The following TSC22D2 variants were observed in gnomAD, a reference collection of about 807,000 sequenced individuals.
TSC22D2 encodes TSC22 domain family protein 2.
In TSC22D2, 5 loss-of-function variants were observed where a neutral mutation model predicts 50.1. The ratio of observed to expected loss-of-function variants is 0.10; its 90% confidence interval spans 0.05 to 0.21. The LOEUF (loss-of-function observed/expected upper bound fraction) is 0.21, where lower values mean the gene tolerates loss of function less well. Among genes scored for constraint, TSC22D2 ranks in the 10% least tolerant of loss-of-function variants. The probability of loss-of-function intolerance (pLI) is 1.00; values close to 1 mark genes in which losing one functional copy is unlikely to be tolerated. For synonymous variants in TSC22D2, 501 were observed against 450.1 expected (o/e 1.11, Z -1.43); for missense variants, 1,003 against 1,015.5 (o/e 0.99, Z 0.17).
Position 150,408,752 on chromosome 3 carries a change from C to G in TSC22D2, c.-599C>G, listed in dbSNP as rs1287827008. The G allele has an allele frequency of 6.5e-6, 1 of 153,618 alleles. No individual in the cohort carries two copies. Among genetic ancestry groups the G allele is most frequent in the African/African-American group, 2.4e-5 (1 of 41,488 alleles). 9.5% of individuals were successfully genotyped at this position (153,618 alleles called of 1,614,324 possible). ...CACAGCCCCACCGCCCGCCCGCGGA[C>G]CTTCAGCCAGCTCCGGCCCGCGGCT... is the stretch of plus-strand genomic sequence containing the variant. On this transcript the variant is annotated 5_prime_UTR_variant, in exon 1 of 3. Coordinates refer to ENST00000688009, the MANE Select transcript of TSC22D2 (RefSeq NM_001303264.2).
At chr3:150,421,951 A>G (rs558014938) in intron 1 of TSC22D2, among the ~76,000 whole-genome samples, 3 of 152,332 alleles carry the variant, frequency 2.0e-5, no homozygotes, top group East Asian at 1.9e-4. Context: ...TTAAGAGCAT[A>G]AACTCTGGAA....
rs1217960409 is a variant in TSC22D2, at chr3:150,408,616, G to A, written c.-735G>A. 3 of 152,438 alleles carry A rather than the reference G, an allele frequency of 2.0e-5. No homozygotes were observed. The highest frequency in any genetic ancestry group is 4.4e-5 in the Non-Finnish European group (3 of 68,276). 9.4% of individuals were successfully genotyped at this position (152,438 alleles called of 1,614,324 possible). On this transcript the variant is annotated 5_prime_UTR_variant, in exon 1 of 3. Coordinates refer to ENST00000688009, the MANE Select transcript of TSC22D2 (RefSeq NM_001303264.2). ...GGGGTGGTTCCCCCTGTAAGGGGAG[G>A]ACCGAGCCGGCTTTCCCCTCCCCCA...
chr3:150,453,466 TCCA>T (rs1256037568), intron 1 of TSC22D2, among the ~76,000 whole-genome samples: 4 of 152,250 alleles, frequency 2.6e-5, no homozygotes, highest in Admixed American at 2.0e-4. Flanking sequence ...TATTGGTATC[TCCA>T]TCGTAAATAT....
intron 1 of TSC22D2, among the ~76,000 whole-genome samples, chr3:150,455,354 G>A (rs1333717576): frequency 6.6e-6 from 1 of 152,144 alleles, no homozygotes; most frequent in East Asian, 1.9e-4. Context: ...AGCATTTAAA[G>A]CCCAGCACAT....
intron 1 of TSC22D2, among the ~76,000 whole-genome samples, chr3:150,429,597 A>G (rs374240804): frequency 6.6e-6 from 1 of 152,176 alleles, no homozygotes; most frequent in East Asian, 1.9e-4. Flanking sequence ...GGAAATAAGA[A>G]TAGTGTGTGG....
In TSC22D2 at chr3:150,410,325, G is replaced by T. The variant is rs1314640722; in HGVS notation, c.975G>T (p.Pro325=). The T allele has an allele frequency of 1.3e-6, 2 of 1,578,786 alleles. No homozygotes were observed. Among genetic ancestry groups the T allele is most frequent in the African/African-American group, 1.3e-5 (1 of 74,076 alleles). ...QGAGPGGQTL[P]PTNVTLAQPA... ...CGGGGCCCGGGGGACAGACTCTGCC[G>T]CCGACGAATGTAACCCTGGCGCAGC... The change falls in exon 1 of 3, where the codon CCG becomes CCT. Residue 325 remains proline (P), a synonymous_variant. Coordinates refer to ENST00000688009, the MANE Select transcript of TSC22D2 (RefSeq NM_001303264.2).
At position 150,409,922 on chromosome 3, in the gene TSC22D2, A is replaced by C; in HGVS notation, c.572A>C (p.Asp191Ala). 1 of 1,613,954 alleles carries C rather than the reference A, an allele frequency of 6.2e-7. No individual in the cohort carries two copies. Among genetic ancestry groups the C allele is most frequent in the Middle Eastern group, 1.6e-4 (1 of 6,062 alleles). Residue 191 changes from aspartate (D) to alanine (A), a missense_variant, in exon 1 of 3, where the codon GAC becomes GCC. By Grantham distance (126) the Asp-to-Ala change is moderately radical (BLOSUM62 -2). Transcript: ENST00000688009. The surrounding 1 kb of genome is among the most constrained non-coding windows in gnomAD (Gnocchi z 7.4). ...TCMEYYERDSDSSVLTRSGDC... is the reference protein window; with the variant it reads ...TCMEYYERDSASSVLTRSGDC... ...ATGGAATACTATGAGAGGGATTCAG[A>C]CAGCAGCGTCCTGACTAGATCCGGG...
intron 1 of TSC22D2, among the ~76,000 whole-genome samples, chr3:150,446,237 A>T (rs1720883276): frequency 1.3e-5 from 2 of 152,222 alleles, no homozygotes; most frequent in South Asian, 4.1e-4. Flanking sequence ...GTCTGACCCC[A>T]GAATGAAGTG....
At chr3:150,432,976 G>T (rs567813034) in intron 1 of TSC22D2, among the ~76,000 whole-genome samples, 1 of 152,216 alleles carries the variant, frequency 6.6e-6, no homozygotes, top group East Asian at 1.9e-4. Flanking sequence ...TTAAATTTTT[G>T]TGATTGATAC....
chr3:150,458,760 T>A lies in TSC22D2; in HGVS notation c.*124T>A. 1 of 1,232,480 alleles carries A rather than the reference T, an allele frequency of 8.1e-7. No individual in the cohort carries two copies. The highest frequency in any genetic ancestry group is 1.1e-6 in the Non-Finnish European group (1 of 887,168). 76.3% of individuals were successfully genotyped at this position (1,232,480 alleles called of 1,614,324 possible). On this transcript the variant is annotated 3_prime_UTR_variant, in exon 3 of 3. Transcript: ENST00000688009. ...TTGGTTGTGTGTTTGGCCTTTTCAG[T>A]ATTAGACAATCATTCTACAAGAGCT...
rs1260612369 is a variant in TSC22D2 at position 150,461,587 on chromosome 3, C to G, written c.*2951C>G. 1 of 152,174 alleles carries G rather than the reference C, an allele frequency of 6.6e-6. No homozygotes were observed. Among genetic ancestry groups the G allele is most frequent in the African/African-American group, 2.4e-5 (1 of 41,438 alleles). 9.4% of individuals were successfully genotyped at this position (152,174 alleles called of 1,614,324 possible). A position where few individuals can be genotyped will look rare whatever the true frequency, so the allele number is the denominator to read the frequency against. On this transcript the variant is annotated 3_prime_UTR_variant, in exon 3 of 3. Transcript: ENST00000688009. ...AAAATTTAGTTTGTTCCGATGTGATCTCACAGCTTGCCACACCAAAAACAA... is the reference window on the plus strand; with the variant it reads ...AAAATTTAGTTTGTTCCGATGTGATGTCACAGCTTGCCACACCAAAAACAA...
intron 1 of TSC22D2, among the ~76,000 whole-genome samples, chr3:150,435,071 G>A (rs1265477192): frequency 4.6e-5 from 7 of 152,004 alleles, no homozygotes; most frequent in African/African-American, 9.7e-5. Context: ...TCTGCCTCCC[G>A]GGTTCAAGCA....
intron 1 of TSC22D2, among the ~76,000 whole-genome samples, chr3:150,448,381 G>A (rs1011449624): frequency 2.0e-5 from 3 of 152,026 alleles, no homozygotes; most frequent in South Asian, 4.1e-4. Flanking sequence ...GGGTGACTGC[G>A]ACTGAAGCAG....
At chr3:150,445,080 G>A (rs1231658913) in intron 1 of TSC22D2, among the ~76,000 whole-genome samples, 2 of 151,836 alleles carry the variant, frequency 1.3e-5, no homozygotes, top group Non-Finnish European at 2.9e-5. Flanking sequence ...TTATATTTCA[G>A]TGGGCTTTGG....
chr3:150,455,977 A>G (rs1236240828), intron 1 of TSC22D2, among the ~76,000 whole-genome samples: 12 of 152,024 alleles, frequency 7.9e-5, no homozygotes, highest in Admixed American at 7.2e-4. Context: ...ATAAACCACC[A>G]AAGAGGACAA....
intron 1 of TSC22D2, among the ~76,000 whole-genome samples, chr3:150,424,478 T>C (rs571420721): frequency 4.3e-4 from 65 of 152,294 alleles, no homozygotes; most frequent in African/African-American, 1.5e-3. Flanking sequence ...TATATATTAT[T>C]TTTATCAGTG....
chr3:150,416,719 A>G (rs529839437), intron 1 of TSC22D2, among the ~76,000 whole-genome samples: 53 of 152,274 alleles, frequency 3.5e-4, no homozygotes, highest in African/African-American at 1.3e-3. Context: ...CCTATACATT[A>G]TTCCATGACT....
intron 1 of TSC22D2, among the ~76,000 whole-genome samples, chr3:150,451,437 T>C (rs1289799285): frequency 2.6e-5 from 4 of 152,348 alleles, no homozygotes; most frequent in African/African-American, 9.6e-5. Flanking sequence ...ATTTGCCAGA[T>C]AAGATAAATG....
chr3:150,420,725 T>C (rs2108068083), intron 1 of TSC22D2, among the ~76,000 whole-genome samples: 1 of 152,382 alleles, frequency 6.6e-6, no homozygotes, highest in Middle Eastern at 3.4e-3. Context: ...GGAACCAATT[T>C]ACCTGGAATA....
Sources: gnomAD v4.1 joint callset for allele counts (sites outside exome capture counted in the v4.1 genomes callset) on GRCh38, gnomAD v4.1.1 for gene constraint, Gnocchi (gnomAD v3.1) non-coding constraint, MANE v1.5 for transcripts, NCBI Gene and HGNC (gene_info 2026-07-23, HGNC 2026-07-21) for gene names.